MTDH: variants seen among roughly 807,000 people sequenced by gnomAD.
MTDH encodes the protein metadherin, also known as protein LYRIC.
MTDH carries 34 observed loss-of-function variants against 72.7 expected under a neutral mutation model. That is an observed-to-expected ratio of 0.47 (90% CI 0.36 to 0.62). MTDH has a LOEUF of 0.62. Ranked by LOEUF, MTDH falls within the 20% of genes least tolerant of loss-of-function variation. The probability of loss-of-function intolerance (pLI) is 0.00; values close to 1 mark genes in which losing one functional copy is unlikely to be tolerated. For synonymous variants in MTDH, 266 were observed against 268.9 expected, an observed-to-expected ratio of 0.99 and a Z score of 0.10; for missense variants, 677 against 699.4, an observed-to-expected ratio of 0.97 and a Z score of 0.36.
chr8:97,676,659 A>G (rs1812858888), intron 2 of MTDH, among the ~76,000 whole-genome samples: 2 of 151,922 alleles, frequency 1.3e-5, no homozygotes, highest in South Asian at 4.2e-4. Flanking sequence ...GCTTGAGCCT[A>G]GGAGTTCGAG....
At chr8:97,722,792 C>A in intron 10 of MTDH, 87 bp from the exon 11 acceptor site, 1 of 1,372,056 alleles carries the variant, frequency 7.3e-7, no homozygotes, top group Non-Finnish European at 9.9e-7. Flanking sequence ...TGAATTGCTG[C>A]TAAACCACCT....
At chr8:97,650,096 AC>A (rs1811712466) in intron 1 of MTDH, among the ~76,000 whole-genome samples, 1 of 151,798 alleles carries the variant, frequency 6.6e-6, no homozygotes, top group Non-Finnish European at 1.5e-5. Flanking sequence ...AGCTGGGACT[AC>A]AGGCGCCCAC....
intron 2 of MTDH, among the ~76,000 whole-genome samples, chr8:97,662,643 G>A (rs571886204): frequency 5.9e-5 from 9 of 151,816 alleles, no homozygotes; most frequent in South Asian, 2.1e-4. Flanking sequence ...AAAATTAGCC[G>A]GATATGGTGG....
At chr8:97,657,487 CT>C (rs1673946171) in intron 1 of MTDH, among the ~76,000 whole-genome samples, 1 of 151,534 alleles carries the variant, frequency 6.6e-6, no homozygotes, top group East Asian at 1.9e-4. Context: ...GAGAAAACTA[CT>C]TTTTTTTTCT....
At chr8:97,720,855 T>C (rs2131085413) in intron 10 of MTDH, among the ~76,000 whole-genome samples, 1 of 151,788 alleles carries the variant, frequency 6.6e-6, no homozygotes, top group Non-Finnish European at 1.5e-5. Flanking sequence ...GGTTTCACCT[T>C]GTTGGCCAGG....
intron 2 of MTDH, among the ~76,000 whole-genome samples, chr8:97,679,026 A>G (rs537066384): frequency 1.3e-5 from 2 of 152,062 alleles, no homozygotes; most frequent in African/African-American, 2.4e-5. Context: ...CTTGGGAGCA[A>G]TTTTCTAACA....
chr8:97,697,129 A>AAAAAT (rs1480994506), intron 6 of MTDH, among the ~76,000 whole-genome samples: 2 of 85,772 alleles, frequency 2.3e-5, no homozygotes, highest in African/African-American at 1.4e-4. Flanking sequence ...CAAAAAAAAA[A>AAAAAT]ATATATATAT....
At position 97,702,841 on chromosome 8, in the gene MTDH, C is replaced by T. The variant is rs372807649; in HGVS notation, c.1147+2989C>T. Among the ~76,000 whole-genome samples the T allele has an allele frequency of 1.1e-4, 17 of 151,996 alleles. No individual in the cohort carries two copies. In the East Asian group the frequency reaches 2.7e-3, roughly 24 times the overall value. On this transcript the variant is annotated intron_variant, in intron 7 of 11. Transcript: ENST00000336273. Reference sequence around the variant, plus strand: ...CAGCTGACAACCAAATAAAGACTAGCGAAGAGATACTTAAACCTAAAATGT... The same window carrying T: ...CAGCTGACAACCAAATAAAGACTAGTGAAGAGATACTTAAACCTAAAATGT...
chr8:97,696,556 G>C (rs1027279601), intron 6 of MTDH, among the ~76,000 whole-genome samples: 1 of 152,086 alleles, frequency 6.6e-6, no homozygotes, highest in East Asian at 1.9e-4. Context: ...CACATGCAAG[G>C]CCTTCCATTC....
chr8:97,671,124 C>A (rs1437156936), intron 2 of MTDH, among the ~76,000 whole-genome samples: 7 of 151,562 alleles, frequency 4.6e-5, no homozygotes, highest in Non-Finnish European at 3.0e-5. Context: ...CACCACCGCG[C>A]CCGGCTAATT....
At chr8:97,699,106 T>A (rs62521698) in intron 6 of MTDH, among the ~76,000 whole-genome samples, 30,395 of 151,944 alleles carry the variant, frequency 0.2, 3,310 homozygotes, top group East Asian at 0.33. Context: ...GGCAACATGG[T>A]GTAAAACCCC....
chr8:97,677,501 AAAAGAAAG>A (rs540159284), intron 2 of MTDH, among the ~76,000 whole-genome samples: 6 of 151,458 alleles, frequency 4.0e-5, no homozygotes, highest in Admixed American at 3.3e-4. Flanking sequence ...AAAAAAAAAA[AAAAGAAAG>A]AAAGAAAGAA....
At chr8:97,655,201 G>C (rs1293689671) in intron 1 of MTDH, among the ~76,000 whole-genome samples, 1 of 152,196 alleles carries the variant, frequency 6.6e-6, no homozygotes, top group African/African-American at 2.4e-5. Context: ...CTGTACTCTT[G>C]AGAGTGTGAG....
intron 1 of MTDH, among the ~76,000 whole-genome samples, chr8:97,658,001 T>C (rs1812044055): frequency 2.0e-5 from 3 of 152,184 alleles, no homozygotes; most frequent in African/African-American, 7.2e-5. Context: ...GTTGGCAAAA[T>C]GAAAGGACAC....
intron 2 of MTDH, among the ~76,000 whole-genome samples, chr8:97,675,454 G>A (rs899974090): frequency 6.6e-6 from 1 of 151,872 alleles, no homozygotes; most frequent in Non-Finnish European, 1.5e-5. Context: ...CCAGGTACTC[G>A]GGAGGCTGAG....
At chr8:97,706,590 A>G in intron 7 of MTDH, 36 bp from the exon 8 acceptor site, 1 of 1,470,414 alleles carries the variant, frequency 6.8e-7, no homozygotes, top group Non-Finnish European at 9.0e-7. Flanking sequence ...TTATGGCAAA[A>G]ATGATAGACG....
At chr8:97,712,357 T>G (rs555925086) in intron 8 of MTDH, among the ~76,000 whole-genome samples, 9 of 151,882 alleles carry the variant, frequency 5.9e-5, no homozygotes, top group South Asian at 4.2e-4. Flanking sequence ...TTGTTTTTTG[T>G]TTTTTTTCAC....
At chr8:97,672,217 A>G (rs1000868993) in intron 2 of MTDH, among the ~76,000 whole-genome samples, 16 of 152,350 alleles carry the variant, frequency 1.1e-4, no homozygotes, top group South Asian at 4.1e-4. Context: ...GTTTTTTACT[A>G]TAGCAGTGGA....
At position 97,663,621 on chromosome 8, in the gene MTDH, C is replaced by T. The variant is rs1024110996; in HGVS notation, c.483+2448C>T. Among the ~76,000 whole-genome samples, 5 of 151,784 alleles carry T rather than the reference C, an allele frequency of 3.3e-5. No homozygotes were observed. The South Asian group carries it at 6.2e-4, about 19-fold the overall frequency. On this transcript the variant is annotated intron_variant, in intron 2 of 11. Transcript: ENST00000336273. ...AAAATTAGCCAGGCGTGGTAGCGGG[C>T]GCCTGTAGTCCCAGCTACTAGGGAG...
Sources: gnomAD v4.1 joint callset for allele counts (sites outside exome capture counted in the v4.1 genomes callset) on GRCh38, gnomAD v4.1.1 for gene constraint, MANE v1.5 for transcripts, NCBI Gene and HGNC (gene_info 2026-07-23, HGNC 2026-07-21) for gene names.